The following CCDC110 variants were observed in gnomAD, a reference collection of about 807,000 sequenced individuals.
The protein encoded by CCDC110 is coiled-coil domain-containing protein 110.
Under a neutral mutation model 77.1 loss-of-function variants are expected in CCDC110, and 70 were observed. The ratio of observed to expected loss-of-function variants is 0.91; its 90% CI spans 0.75 to 1.11. The LOEUF (loss-of-function observed/expected upper bound fraction) is 1.11, where lower values mean the gene tolerates loss of function less well. Ranked by LOEUF, CCDC110 falls within the 50% of genes least tolerant of loss-of-function variation. The pLI is 0.00. For missense variants in CCDC110, 868 were observed against 942.9 expected (o/e 0.92, Z 1.04); for synonymous variants, 295 against 312.5 (o/e 0.94, Z 0.59).
intron 6 of CCDC110, among the ~76,000 whole-genome samples, chr4:185,455,313 A>C (rs1217041733): frequency 6.6e-6 from 1 of 152,162 alleles, no homozygotes; most frequent in Non-Finnish European, 1.5e-5. Flanking sequence ...TTTGATTTAT[A>C]TTTGATTTTC....
intron 6 of CCDC110, among the ~76,000 whole-genome samples, chr4:185,450,663 G>T (rs2095627534): frequency 6.7e-6 from 1 of 150,128 alleles, no homozygotes; most frequent in Non-Finnish European, 1.5e-5. Flanking sequence ...AGAATCGCTT[G>T]AACCTGGAAG....
chr4:185,452,997 T>G (rs1463657369), intron 6 of CCDC110, among the ~76,000 whole-genome samples: 3 of 152,100 alleles, frequency 2.0e-5, no homozygotes, highest in Non-Finnish European at 2.9e-5. Context: ...GTCATTTGTA[T>G]TATCTACCTG....
At chr4:185,461,213 G>T in intron 4 of CCDC110, 54 bp from the exon 5 acceptor site, 1 of 885,528 alleles carries the variant, frequency 1.1e-6, no homozygotes, top group Non-Finnish European at 1.8e-6. Flanking sequence ...ACTTATGAAT[G>T]TACAGGAATA....
In CCDC110 at chr4:185,462,693, A is replaced by C. The variant is rs2095648552; in HGVS notation, c.187T>G (p.Leu63Val). ...QSALKVLQQQLESFQALRMQT... is the reference protein window; with the variant it reads ...QSALKVLQQQVESFQALRMQT... ...ATTCGCAAAGCCTGAAATGATTCCA[A>C]CTGCTGCTGAAGGACCTATGACAAA... The change falls in exon 4 of 7, where the codon TTG (leucine) becomes GTG (valine). Residue 63 changes from leucine (L) to valine (V), a missense_variant. Leu to Val is a conservative substitution (Grantham distance 32). Transcript: ENST00000307588. 2 of 1,613,868 alleles carry C rather than the reference A, an allele frequency of 1.2e-6. No individual in the cohort carries two copies. The highest frequency in any genetic ancestry group is 1.7e-6 in the Non-Finnish European group (2 of 1,179,704).
chr4:185,458,558 GAAAATTCTCTTCGGC>G lies in CCDC110; in HGVS notation c.2014_2028del (p.Ala672_Phe676del). 1.2e-6 allele frequency: 2 copies of G among 1,607,538 alleles called. No homozygotes were observed. Among genetic ancestry groups the G allele is most frequent in the Non-Finnish European group, 1.7e-6 (2 of 1,179,236 alleles). On this transcript the variant is annotated inframe_deletion, in exon 6 of 7. Transcript: ENST00000307588. ...GATTTTGCATTTTTTATTTCTTGCA[GAAAATTCTCTTCGGC>G]AGTAGATTGGTAGGTTTGAATATTC... is the stretch of plus-strand genomic sequence containing the variant.
intron 1 of CCDC110, 131 bp downstream of exon 1, chr4:185,471,543 T>G: frequency 1.0e-6 from 1 of 1,002,056 alleles, no homozygotes; most frequent in African/African-American, 1.7e-5. Flanking sequence ...GAGCGGGAGA[T>G]GTGCGGCGAG....
intron 2 of CCDC110, among the ~76,000 whole-genome samples, chr4:185,469,143 C>A (rs56257062): frequency 0.097 from 14,704 of 152,230 alleles, 926 homozygotes; most frequent in Middle Eastern, 0.17. Flanking sequence ...TGTAACCTGG[C>A]AGTAGTTATG....
chr4:185,455,557 T>G (rs2095634763), intron 6 of CCDC110, among the ~76,000 whole-genome samples: 1 of 152,182 alleles, frequency 6.6e-6, no homozygotes, highest in African/African-American at 2.4e-5. Context: ...GTTTACCAAC[T>G]GGACATAATA....
chr4:185,458,289 A>G lies in CCDC110; in HGVS notation c.2298T>C (p.His766=), dbSNP rs1047223669. 8.8e-6 allele frequency: 14 copies of G among 1,596,528 alleles called. No individual in the cohort carries two copies. Among genetic ancestry groups the G allele is most frequent in the Admixed American group, 1.8e-5 (1 of 54,926 alleles). ...ERDTLEFEMR[H]LQREYLSLSD... The stretch of plus-strand genomic sequence containing the variant: ...TTAAACTTAAATATTCTCGTTGAAG[A>G]TGCCGCATCTCAAATTCCAAGGTAT... Residue 766 remains histidine (H), a synonymous_variant, in exon 6 of 7, where the codon CAT becomes CAC. Coordinates refer to ENST00000307588, the MANE Select transcript of CCDC110 (RefSeq NM_152775.4).
At chr4:185,467,219 C>T (rs568913659) in intron 2 of CCDC110, among the ~76,000 whole-genome samples, 31 of 152,278 alleles carry the variant, frequency 2.0e-4, no homozygotes, top group African/African-American at 7.5e-4. Context: ...TGTTTTTCTC[C>T]AGCAAAGTTC....
In CCDC110 at chr4:185,468,416, G is replaced by C. The variant is rs2095659975; in HGVS notation, c.115+2529C>G. Among the ~76,000 whole-genome samples, 1 of 152,146 alleles carries C rather than the reference G, an allele frequency of 6.6e-6. No individual in the cohort carries two copies. Among genetic ancestry groups the C allele is most frequent in the Admixed American group, 6.5e-5 (1 of 15,286 alleles). The stretch of plus-strand genomic sequence containing the variant: ...TCAAAATTTCTAGTCAAGACGGAGG[G>C]GAGAGAAGCCTTCTCAAAATTCTCC... On this transcript the variant is annotated intron_variant, in intron 2 of 6. Coordinates refer to ENST00000307588, the MANE Select transcript of CCDC110 (RefSeq NM_152775.4). This position sits in a 1 kb window ranked among gnomAD's most constrained non-coding sequence, Gnocchi z 4.5.
intron 5 of CCDC110, chr4:185,460,824 C>A: frequency 2.2e-6 from 1 of 458,216 alleles, no homozygotes. Flanking sequence ...ACGATCTGGA[C>A]TAAGTCAAAT....
chr4:185,463,512 G>A (rs1420567771), intron 2 of CCDC110, among the ~76,000 whole-genome samples: 1 of 152,206 alleles, frequency 6.6e-6, no homozygotes, highest in African/African-American at 2.4e-5. Context: ...GTACGCACTT[G>A]TGGCTTCCCT....
chr4:185,466,179 T>C (rs2095655452), intron 2 of CCDC110, among the ~76,000 whole-genome samples: 1 of 151,872 alleles, frequency 6.6e-6, no homozygotes, highest in Admixed American at 6.6e-5. Flanking sequence ...ATCGAGACCA[T>C]CCTGGCTAAC....
chr4:185,447,212 C>T (rs1355384167), intron 6 of CCDC110, among the ~76,000 whole-genome samples: 33 of 150,240 alleles, frequency 2.2e-4, no homozygotes, highest in Non-Finnish European at 3.8e-4. Context: ...GACGGAGTCT[C>T]ACTCTGTCGC....
At chr4:185,466,698 T>C (rs915175811) in intron 2 of CCDC110, among the ~76,000 whole-genome samples, 2 of 151,656 alleles carry the variant, frequency 1.3e-5, no homozygotes, top group Admixed American at 1.3e-4. Flanking sequence ...GCCTCCGGAG[T>C]AGCTGGGACC....
chr4:185,466,536 AG>A (rs756397818), intron 2 of CCDC110, among the ~76,000 whole-genome samples: 1 of 151,840 alleles, frequency 6.6e-6, no homozygotes, highest in Non-Finnish European at 1.5e-5. Flanking sequence ...AAGGGAAGAC[AG>A]TGCATCCTGG....
intron 6 of CCDC110, among the ~76,000 whole-genome samples, chr4:185,448,196 T>A (rs565273681): frequency 4.6e-5 from 7 of 152,060 alleles, no homozygotes; most frequent in African/African-American, 1.7e-4. Context: ...AATTTTTGTA[T>A]TTTTAGTAGA....
chr4:185,465,607 G>A (rs981188586), intron 2 of CCDC110, among the ~76,000 whole-genome samples: 7 of 152,048 alleles, frequency 4.6e-5, no homozygotes, highest in African/African-American at 1.2e-4. Flanking sequence ...CAAGTGAAAC[G>A]GGGAACTTTG....
Sources: gnomAD v4.1 joint callset for allele counts (sites outside exome capture counted in the v4.1 genomes callset) on GRCh38, gnomAD v4.1.1 for gene constraint, Gnocchi (gnomAD v3.1) non-coding constraint, MANE v1.5 for transcripts, NCBI Gene and HGNC (gene_info 2026-07-23, HGNC 2026-07-21) for gene names.